DOCK7: variants seen among roughly 807,000 people sequenced by gnomAD.
DOCK7 encodes dedicator of cytokinesis protein 7.
DOCK7 carries 138 observed loss-of-function variants against 271.0 expected under a neutral mutation model. The ratio of observed to expected loss-of-function variants is 0.51; its 90% CI spans 0.44 to 0.59. DOCK7 has a LOEUF of 0.59. Among genes scored for constraint, DOCK7 ranks in the 20% least tolerant of loss-of-function variants. The pLI, the probability that DOCK7 is intolerant of heterozygous loss-of-function variation, is 0.00. For missense variants in DOCK7, 2,066 were observed against 2,592.4 expected, an observed-to-expected ratio of 0.80 and a Z score of 4.41; for synonymous variants, 823 against 876.1, an observed-to-expected ratio of 0.94 and a Z score of 1.07.
intron 7 of DOCK7, chr1:62,641,111 T>C (rs538188540): frequency 5.7e-5 from 15 of 262,508 alleles, no homozygotes; most frequent in Middle Eastern, 9.7e-4. Context: ...ACAGTCTTTA[T>C]TGGACTCAGA....
intron 1 of DOCK7, among the ~76,000 whole-genome samples, chr1:62,665,441 C>T (rs535891260): frequency 6.6e-6 from 1 of 151,982 alleles, no homozygotes. Flanking sequence ...CGCGGTGGCT[C>T]GCGCCTGTAA....
intron 43 of DOCK7, chr1:62,479,687 G>T: frequency 2.9e-6 from 1 of 347,304 alleles, no homozygotes; most frequent in Non-Finnish European, 6.0e-6. Flanking sequence ...TTTATTTTTA[G>T]TTTTTAGTTT....
chr1:62,458,156 GGT>G (rs10609544), intron 48 of DOCK7: 82,006 of 152,838 alleles, frequency 0.54, 22,809 homozygotes, highest in Middle Eastern at 0.66. Context: ...CTCAAACGTG[GGT>G]GTGTGTGTGT....
At chr1:62,598,871 A>C (rs1184316977) in intron 14 of DOCK7, 1 of 966,710 alleles carries the variant, frequency 1.0e-6, no homozygotes, top group African/African-American at 1.6e-5. Context: ...CTGAATCCTA[A>C]AATTATTTAC....
intron 31 of DOCK7, among the ~76,000 whole-genome samples, chr1:62,520,465 G>A (rs1324318012): frequency 1.4e-5 from 1 of 70,084 alleles, no homozygotes; most frequent in Non-Finnish European, 2.8e-5. Context: ...CTCAAAAGAA[G>A]ACATTTATGA....
chr1:62,469,089 A>G (rs1196251876), intron 48 of DOCK7, among the ~76,000 whole-genome samples: 2 of 152,204 alleles, frequency 1.3e-5, no homozygotes, highest in Non-Finnish European at 2.9e-5. Flanking sequence ...TTCACATGGA[A>G]CCAAAAAGAG....
At chr1:62,610,484 T>C (rs1651628472) in intron 14 of DOCK7, among the ~76,000 whole-genome samples, 1 of 152,152 alleles carries the variant, frequency 6.6e-6, no homozygotes, top group Non-Finnish European at 1.5e-5. Flanking sequence ...ATTATTATTA[T>C]ACTTTAAGTT....
intron 14 of DOCK7, among the ~76,000 whole-genome samples, chr1:62,591,761 T>C (rs142520872): frequency 6.6e-5 from 10 of 152,288 alleles, no homozygotes; most frequent in African/African-American, 2.2e-4. Context: ...GCCTCAACTT[T>C]ACCCTTCCCC....
chr1:62,578,968 T>G lies in DOCK7; in HGVS notation c.1872-2A>C. 1 of 1,532,560 alleles carries G rather than the reference T, an allele frequency of 6.5e-7. No homozygotes were observed. The highest frequency in any genetic ancestry group is 8.7e-7 in the Non-Finnish European group (1 of 1,147,956). The allele number at this position is 1,532,560 out of a possible 1,614,324, so 94.9% of individuals were successfully genotyped here. Reference sequence around the variant, plus strand: ...ATTTCTTCATGAAAATCAGGAGACCTTCATACAAAAAAAAAAAAAAATCAA... The same window carrying G: ...ATTTCTTCATGAAAATCAGGAGACCGTCATACAAAAAAAAAAAAAAATCAA... On this transcript the variant is annotated splice_acceptor_variant, in intron 16 of 49. Transcript: ENST00000635253. LOFTEE classifies it high-confidence loss of function.
chr1:62,479,035 G>A (rs1027283417), intron 43 of DOCK7: 1 of 152,002 alleles, frequency 6.6e-6, no homozygotes, highest in Non-Finnish European at 1.5e-5. Context: ...ACAGGTGTGT[G>A]CCACCTTGCT....
intron 33 of DOCK7, 64 bp from the exon 34 acceptor site, chr1:62,510,737 C>T (rs2149333576): frequency 2.4e-6 from 3 of 1,241,238 alleles, no homozygotes; most frequent in Non-Finnish European, 3.5e-6. Context: ...TATATGTATA[C>T]TTGCAATCAT....
At chr1:62,564,192 G>A (rs1248519319) in intron 18 of DOCK7, among the ~76,000 whole-genome samples, 1 of 152,120 alleles carries the variant, frequency 6.6e-6, no homozygotes, top group Non-Finnish European at 1.5e-5. Flanking sequence ...TTCAGGACCT[G>A]AACTCAGCTC....
chr1:62,579,999 G>T (rs796706514), intron 16 of DOCK7, among the ~76,000 whole-genome samples: 2 of 152,048 alleles, frequency 1.3e-5, no homozygotes, highest in African/African-American at 4.8e-5. Flanking sequence ...AGAAAAGCAC[G>T]GCTGCTATTC....
intron 43 of DOCK7, chr1:62,483,023 T>C (rs1490656979): frequency 6.6e-6 from 1 of 152,124 alleles, no homozygotes; most frequent in East Asian, 1.9e-4. Context: ...TTTCTTTCTT[T>C]TTAAAAGACA....
At chr1:62,573,177 T>C (rs924325003) in intron 18 of DOCK7, among the ~76,000 whole-genome samples, 1 of 151,888 alleles carries the variant, frequency 6.6e-6, no homozygotes, top group East Asian at 1.9e-4. Flanking sequence ...ACAATTTTAA[T>C]AAAGAAAAAG....
chr1:62,655,293 A>C (rs1320184910), intron 2 of DOCK7, among the ~76,000 whole-genome samples: 2 of 152,224 alleles, frequency 1.3e-5, no homozygotes, highest in Non-Finnish European at 2.9e-5. Context: ...ACCAATGAAA[A>C]TAAGAACATG....
At chr1:62,637,326 C>T (rs1205039762) in intron 7 of DOCK7, among the ~76,000 whole-genome samples, 3 of 152,090 alleles carry the variant, frequency 2.0e-5, no homozygotes, top group Non-Finnish European at 2.9e-5. Context: ...ATACAGTAAA[C>T]ATCTAGTAAA....
Position 62,494,317 on chromosome 1 carries a change from C to T in DOCK7, c.5175G>A (p.Leu1725=), listed in dbSNP as rs1234918842. The T allele has an allele frequency of 1.9e-6, 3 of 1,606,822 alleles. No individual in the cohort carries two copies. Among genetic ancestry groups the T allele is most frequent in the African/African-American group, 2.7e-5 (2 of 74,954 alleles). Residue 1725 remains leucine (L), a synonymous_variant, in exon 40 of 50, where the codon CTG becomes CTA. Transcript: ENST00000635253. ...CCACAGGAAGATATTTCCGGTCCTC[C>T]AGCATGCTCAAATATTCAGCAACAA... ...AALVAEYLSM[L]EDRKYLPVGC...
chr1:62,610,100 C>T (rs916923079), intron 14 of DOCK7, among the ~76,000 whole-genome samples: 8 of 152,124 alleles, frequency 5.3e-5, no homozygotes, highest in Non-Finnish European at 8.8e-5. Context: ...CCGCCTTCCT[C>T]GGCCTCCCAA....
Sources: allele counts gnomAD v4.1 joint callset (sites outside exome capture counted in the v4.1 genomes callset), GRCh38; gene constraint gnomAD v4.1.1; transcripts MANE v1.5; gene names NCBI Gene and HGNC (gene_info 2026-07-23, HGNC 2026-07-21).